Variants in DGKG observed in about 807,000 individuals in gnomAD.
DGKG encodes diacylglycerol kinase gamma, also known as DAG kinase gamma.
DGKG carries 78 observed loss-of-function variants against 105.3 expected under a neutral mutation model. The ratio of observed to expected loss-of-function variants is 0.74; its 90% CI spans 0.62 to 0.89. The LOEUF is 0.89. DGKG is among the 40% of genes least tolerant of loss of function. DGKG has a pLI of 0.00. For missense variants in DGKG, 958 were observed against 1,020.1 expected, an observed-to-expected ratio of 0.94 and a Z score of 0.83; for synonymous variants, 346 against 367.1, an observed-to-expected ratio of 0.94 and a Z score of 0.66.
chr3:186,290,655 AGCCAG>A (rs1196347514), intron 5 of DGKG, among the ~76,000 whole-genome samples: 15 of 152,322 alleles, frequency 9.8e-5, no homozygotes, highest in Non-Finnish European at 2.2e-4. Flanking sequence ...GAGAAGGGGA[AGCCAG>A]GCCAACCCTG....
chr3:186,350,971 G>A (rs150453359), intron 1 of DGKG, among the ~76,000 whole-genome samples: 9 of 152,264 alleles, frequency 5.9e-5, no homozygotes, highest in Non-Finnish European at 1.0e-4. Flanking sequence ...AGTTTTGGGA[G>A]TTCTCTATAT....
intron 7 of DGKG, among the ~76,000 whole-genome samples, chr3:186,283,957 T>C (rs1239697980): frequency 1.3e-5 from 2 of 152,182 alleles, no homozygotes; most frequent in Non-Finnish European, 2.9e-5. Context: ...ATCTCTGACA[T>C]TGACAGTCAG....
intron 1 of DGKG, among the ~76,000 whole-genome samples, chr3:186,322,014 C>T (rs1253742398): frequency 3.3e-5 from 5 of 152,156 alleles, no homozygotes; most frequent in South Asian, 4.1e-4. Context: ...AGTCCTTCCT[C>T]GGCTTGTTTC....
At chr3:186,192,224 C>T (rs1021353126) in intron 21 of DGKG, among the ~76,000 whole-genome samples, 5 of 152,068 alleles carry the variant, frequency 3.3e-5, no homozygotes, top group African/African-American at 7.2e-5. Context: ...GTTGGCCAGC[C>T]GGGTCTTGAA....
At chr3:186,154,265 C>T (rs752765316) in intron 24 of DGKG, among the ~76,000 whole-genome samples, 5 of 152,096 alleles carry the variant, frequency 3.3e-5, no homozygotes, top group African/African-American at 4.8e-5. Flanking sequence ...CATGGCTTTC[C>T]GGTCTTAGTT....
chr3:186,195,201 CT>C (rs1718120786), intron 21 of DGKG, among the ~76,000 whole-genome samples: 1 of 152,060 alleles, frequency 6.6e-6, no homozygotes, highest in Non-Finnish European at 1.5e-5. Flanking sequence ...ATTAGCACCT[CT>C]AGCAACAGGC....
intron 20 of DGKG, among the ~76,000 whole-genome samples, chr3:186,224,374 A>G (rs1173523724): frequency 6.6e-6 from 1 of 152,186 alleles, no homozygotes. Flanking sequence ...GCCTTTGCCC[A>G]TGTCCCTTAG....
intron 22 of DGKG, among the ~76,000 whole-genome samples, chr3:186,167,460 G>A (rs1437377400): frequency 6.6e-6 from 1 of 152,116 alleles, no homozygotes; most frequent in Non-Finnish European, 1.5e-5. Flanking sequence ...TTTTAGGAAC[G>A]CATTTTGGGA....
intron 18 of DGKG, among the ~76,000 whole-genome samples, chr3:186,252,790 T>G (rs1242285699): frequency 6.6e-6 from 1 of 152,218 alleles, no homozygotes; most frequent in African/African-American, 2.4e-5. Flanking sequence ...AGACTTTGTC[T>G]TTACCCTACA....
chr3:186,341,524 T>G (rs1190326738), intron 1 of DGKG, among the ~76,000 whole-genome samples: 1 of 152,184 alleles, frequency 6.6e-6, no homozygotes, highest in Non-Finnish European at 1.5e-5. Context: ...GATACCATGA[T>G]ACCATGAATC....
chr3:186,256,230 G>T (rs561942903), intron 17 of DGKG, among the ~76,000 whole-genome samples: 1 of 152,256 alleles, frequency 6.6e-6, no homozygotes, highest in South Asian at 2.1e-4. Context: ...CAACCAAAGC[G>T]CCCGGGGGAG....
At chr3:186,286,560 T>G (rs189156318) in intron 6 of DGKG, among the ~76,000 whole-genome samples, 2 of 152,398 alleles carry the variant, frequency 1.3e-5, no homozygotes, top group African/African-American at 4.8e-5. Flanking sequence ...ATAGTTGTTA[T>G]TATTGCATTG....
intron 19 of DGKG, among the ~76,000 whole-genome samples, chr3:186,249,596 C>G (rs1343063435): frequency 5.9e-5 from 9 of 152,182 alleles, no homozygotes; most frequent in Non-Finnish European, 1.3e-4. Context: ...AATCCCAGCA[C>G]TTTGGGAGGC....
chr3:186,240,312 C>G (rs1335705741), intron 20 of DGKG, among the ~76,000 whole-genome samples: 1 of 152,212 alleles, frequency 6.6e-6, no homozygotes, highest in African/African-American at 2.4e-5. Context: ...TCACTTAACA[C>G]AAACCATTCT....
At chr3:186,274,181 T>TTTG (rs1560127913) in intron 10 of DGKG, among the ~76,000 whole-genome samples, 2 of 151,686 alleles carry the variant, frequency 1.3e-5, no homozygotes, top group Non-Finnish European at 2.9e-5. Flanking sequence ...AAAATGCTTT[T>TTTG]TTTGTTTGTT....
At chr3:186,275,719 GC>G (rs1005541411) in intron 9 of DGKG, 55 bp from the exon 10 acceptor site, 3 of 1,166,348 alleles carry the variant, frequency 2.6e-6, no homozygotes, top group African/African-American at 3.1e-5. Flanking sequence ...GATGGAGGAA[GC>G]CAGGGGCTGC....
chr3:186,341,543 A>G (rs922319824), intron 1 of DGKG, among the ~76,000 whole-genome samples: 1 of 152,218 alleles, frequency 6.6e-6, no homozygotes, highest in Non-Finnish European at 1.5e-5. Context: ...TCTATCCAGG[A>G]ACTGCTGGTA....
At chr3:186,212,131 C>T (rs1283392193) in intron 20 of DGKG, among the ~76,000 whole-genome samples, 1 of 152,162 alleles carries the variant, frequency 6.6e-6, no homozygotes, top group East Asian at 1.9e-4. Flanking sequence ...CAACTGCTCC[C>T]CGAGTTTCCT....
intron 4 of DGKG, among the ~76,000 whole-genome samples, chr3:186,297,704 A>G (rs1356419498): frequency 6.6e-6 from 1 of 151,858 alleles, no homozygotes; most frequent in South Asian, 2.1e-4. Context: ...CTCTCCTCTA[A>G]CACTTCCAAG....
Sources: allele counts gnomAD v4.1 joint callset (sites outside exome capture counted in the v4.1 genomes callset), GRCh38; gene constraint gnomAD v4.1.1; transcripts MANE v1.5; gene names NCBI Gene and HGNC (gene_info 2026-07-23, HGNC 2026-07-21).